LUZP2: variants seen among roughly 807,000 people sequenced by gnomAD.
LUZP2 encodes the protein leucine zipper protein 2.
In LUZP2, 52 loss-of-function variants were observed where a neutral mutation model predicts 51.6. The observed-to-expected ratio is 1.01, with a 90% CI of 0.81 to 1.27. The LOEUF is 1.27. LUZP2 is among the 50% of genes most tolerant of loss of function. LUZP2 has a pLI of 0.00. For synonymous variants in LUZP2, 154 were observed against 137.3 expected, an observed-to-expected ratio of 1.12 and a Z score of -0.85; for missense variants, 436 against 395.4, an observed-to-expected ratio of 1.10 and a Z score of -0.87.
At chr11:24,627,219 C>T (rs1188146905) in intron 1 of LUZP2, among the ~76,000 whole-genome samples, 9 of 152,096 alleles carry the variant, frequency 5.9e-5, no homozygotes, top group Admixed American at 5.2e-4. Context: ...ATATTTAATA[C>T]CTCAAAGCAG....
intron 1 of LUZP2, among the ~76,000 whole-genome samples, chr11:24,518,758 T>G (rs2133794850): frequency 6.6e-6 from 1 of 152,326 alleles, no homozygotes; most frequent in East Asian, 1.9e-4. Flanking sequence ...AGAAACTTTA[T>G]TCCAGTGAAC....
chr11:24,942,409 G>A (rs1013811274), intron 7 of LUZP2, among the ~76,000 whole-genome samples: 4 of 152,138 alleles, frequency 2.6e-5, no homozygotes, highest in Admixed American at 2.0e-4. Context: ...TAGTGCATGA[G>A]TAGTGACGAG....
intron 5 of LUZP2, among the ~76,000 whole-genome samples, chr11:24,882,248 T>C (rs1852492236): frequency 6.6e-6 from 1 of 152,020 alleles, no homozygotes; most frequent in Non-Finnish European, 1.5e-5. Context: ...AGATGAGAAT[T>C]TTTTAAAGTT....
intron 1 of LUZP2, among the ~76,000 whole-genome samples, chr11:24,606,549 A>T (rs1473978176): frequency 6.6e-6 from 1 of 151,966 alleles, no homozygotes; most frequent in African/African-American, 2.4e-5. Context: ...AATCTTTCCA[A>T]AGATGCTTAG....
At chr11:24,807,498 T>A (rs1206465232) in intron 5 of LUZP2, among the ~76,000 whole-genome samples, 3 of 149,364 alleles carry the variant, frequency 2.0e-5, no homozygotes, top group Admixed American at 6.7e-5. Flanking sequence ...AAACAAATTA[T>A]TTAACAAAGT....
chr11:24,651,993 G>C (rs1422785936), intron 1 of LUZP2, among the ~76,000 whole-genome samples: 1 of 151,828 alleles, frequency 6.6e-6, no homozygotes, highest in Admixed American at 6.6e-5. Flanking sequence ...CTCTCTGTGT[G>C]TTTGTGTGTA....
At chr11:24,509,321 A>G (rs1850232901) in intron 1 of LUZP2, among the ~76,000 whole-genome samples, 1 of 152,042 alleles carries the variant, frequency 6.6e-6, no homozygotes, top group Non-Finnish European at 1.5e-5. Flanking sequence ...AGAAGATGGC[A>G]CTGTGAAGTA....
intron 1 of LUZP2, among the ~76,000 whole-genome samples, chr11:24,561,786 C>G (rs969144764): frequency 1.4e-5 from 2 of 145,028 alleles, no homozygotes; most frequent in Non-Finnish European, 3.0e-5. Flanking sequence ...CAAACCAGCA[C>G]GTTCTGCACA....
At chr11:24,800,923 T>G (rs1564910304) in intron 5 of LUZP2, among the ~76,000 whole-genome samples, 1 of 152,120 alleles carries the variant, frequency 6.6e-6, no homozygotes. Context: ...TATTATGAGT[T>G]CTATTTGTAT....
In LUZP2 at chr11:25,065,723, G is replaced by GAATGAGGC. The variant is rs546045927; in HGVS notation, c.859-11603_859-11596dup. The stretch of plus-strand genomic sequence containing the variant: ...ATTTCAATAATTACTCCAGGTAGAG[G>GAATGAGGC]AATGAGGCAAAGAATATATCAGTGT... On this transcript the variant is annotated intron_variant, in intron 10 of 11. Coordinates refer to ENST00000336930, the MANE Select transcript of LUZP2 (RefSeq NM_001009909.4). Among the ~76,000 whole-genome samples, 809 of 152,068 alleles carry GAATGAGGC rather than the reference G, an allele frequency of 5.3e-3. 7 individuals are homozygous for GAATGAGGC. The highest frequency in any genetic ancestry group is 0.019 in the African/African-American group (770 of 41,518).
intron 3 of LUZP2, among the ~76,000 whole-genome samples, chr11:24,737,688 C>G (rs1420094551): frequency 1.3e-5 from 2 of 152,044 alleles, no homozygotes; most frequent in Non-Finnish European, 2.9e-5. Flanking sequence ...AAATTATCTT[C>G]ATTAAATGAG....
At position 24,897,882 on chromosome 11, in the gene LUZP2, C is replaced by T. The variant is rs533059346; in HGVS notation, c.397-8109C>T. On this transcript the variant is annotated intron_variant, in intron 5 of 11. Coordinates refer to ENST00000336930, the MANE Select transcript of LUZP2 (RefSeq NM_001009909.4). Reference sequence around the variant, plus strand: ...AGGAGATTTTCATCTTTGTCCTCTTCCTTTTGCCTTGCCTTTAACATGGAT... The same window carrying T: ...AGGAGATTTTCATCTTTGTCCTCTTTCTTTTGCCTTGCCTTTAACATGGAT... Among the ~76,000 whole-genome samples the T allele has an allele frequency of 3.9e-5, 6 of 152,230 alleles. No individual in the cohort carries two copies. The East Asian group carries it at 7.7e-4, about 20-fold the overall frequency.
intron 5 of LUZP2, among the ~76,000 whole-genome samples, chr11:24,821,729 A>T (rs1390596019): frequency 6.6e-6 from 1 of 152,102 alleles, no homozygotes; most frequent in Admixed American, 6.5e-5. Context: ...AAAAAATAAC[A>T]TATTTTCAGA....
intron 4 of LUZP2, among the ~76,000 whole-genome samples, chr11:24,744,963 G>T (rs954530326): frequency 6.6e-6 from 1 of 152,058 alleles, no homozygotes; most frequent in Non-Finnish European, 1.5e-5. Context: ...TTTCATTCTT[G>T]TCCCAGTGCT....
At chr11:24,742,869 G>A (rs1041034102) in intron 4 of LUZP2, among the ~76,000 whole-genome samples, 1 of 152,032 alleles carries the variant, frequency 6.6e-6, no homozygotes, top group Non-Finnish European at 1.5e-5. Flanking sequence ...GTTGATTTTT[G>A]TATAAGGTGA....
At chr11:24,518,351 CT>C (rs2133793842) in intron 1 of LUZP2, among the ~76,000 whole-genome samples, 1 of 152,104 alleles carries the variant, frequency 6.6e-6, no homozygotes, top group Admixed American at 6.5e-5. Flanking sequence ...TGTTAAAGAT[CT>C]TTGATTATTT....
chr11:24,985,700 G>A (rs1037646625), intron 9 of LUZP2, among the ~76,000 whole-genome samples: 5 of 151,708 alleles, frequency 3.3e-5, no homozygotes, highest in African/African-American at 1.2e-4. Flanking sequence ...AAGGGCAAGA[G>A]GAGGTTTTAA....
intron 5 of LUZP2, among the ~76,000 whole-genome samples, chr11:24,873,535 ATAT>A (rs1292294229): frequency 3.9e-5 from 6 of 152,076 alleles, no homozygotes; most frequent in African/African-American, 1.4e-4. Flanking sequence ...TTGACTTCAG[ATAT>A]TATTTGATTC....
At chr11:24,892,489 A>ATTTCT (rs1852889924) in intron 5 of LUZP2, 1 of 701,638 alleles carries the variant, frequency 1.4e-6, no homozygotes, top group African/African-American at 1.9e-5. Context: ...TTAATAGCCT[A>ATTTCT]TTTCTCTTCA....
Sources: allele counts gnomAD v4.1 joint callset (sites outside exome capture counted in the v4.1 genomes callset), GRCh38; gene constraint gnomAD v4.1.1; transcripts MANE v1.5; gene names NCBI Gene and HGNC (gene_info 2026-07-23, HGNC 2026-07-21).